Variants in BFSP2 observed in about 807,000 individuals in gnomAD.
The protein encoded by BFSP2 is phakinin.
Under a neutral mutation model 44.9 loss-of-function variants are expected in BFSP2, and 38 were observed. The observed-to-expected ratio is 0.85, with a 90% CI of 0.65 to 1.11. The LOEUF (loss-of-function observed/expected upper bound fraction) is 1.11, where lower values mean the gene tolerates loss of function less well. Ranked by LOEUF, BFSP2 falls within the 50% of genes least tolerant of loss-of-function variation. The pLI is 0.00. For missense variants in BFSP2, 525 were observed against 533.0 expected, an observed-to-expected ratio of 0.99 and a Z score of 0.15; for synonymous variants, 197 against 209.9, an observed-to-expected ratio of 0.94 and a Z score of 0.53.
intron 1 of BFSP2, among the ~76,000 whole-genome samples, chr3:133,438,067 C>A (rs1018368016): frequency 7.2e-5 from 11 of 152,106 alleles, no homozygotes; most frequent in Non-Finnish European, 1.6e-4. Flanking sequence ...ATAGTTGATA[C>A]AAGAAATAGA....
chr3:133,466,168 G>A (rs975144937), intron 4 of BFSP2, among the ~76,000 whole-genome samples: 52 of 45,346 alleles, frequency 1.1e-3, no homozygotes, highest in African/African-American at 2.5e-3. Context: ...ACCAAAGCAC[G>A]GGGGGGGCAA....
At chr3:133,432,038 T>C (rs916279701) in intron 1 of BFSP2, among the ~76,000 whole-genome samples, 5 of 152,072 alleles carry the variant, frequency 3.3e-5, no homozygotes, top group African/African-American at 7.2e-5. Context: ...ACTCCTTCCC[T>C]GGCAACCGAT....
chr3:133,433,673 T>C (rs1025457878), intron 1 of BFSP2, among the ~76,000 whole-genome samples: 23 of 152,206 alleles, frequency 1.5e-4, no homozygotes, highest in African/African-American at 5.3e-4. Flanking sequence ...TTCCCACCTC[T>C]ATACATTCTG....
intron 1 of BFSP2, among the ~76,000 whole-genome samples, chr3:133,440,411 G>A (rs578218340): frequency 6.6e-6 from 1 of 152,278 alleles, no homozygotes; most frequent in South Asian, 2.1e-4. Context: ...CTCAAAATTT[G>A]ATTTTGTTGG....
intron 1 of BFSP2, among the ~76,000 whole-genome samples, chr3:133,401,146 T>TA (rs1409634060): frequency 6.6e-6 from 1 of 152,218 alleles, no homozygotes; most frequent in African/African-American, 2.4e-5. Context: ...TTACCCACAG[T>TA]AAAACACGTA....
intron 1 of BFSP2, among the ~76,000 whole-genome samples, chr3:133,441,154 C>G (rs2107916255): frequency 6.6e-6 from 1 of 151,902 alleles, no homozygotes; most frequent in Middle Eastern, 3.4e-3. Flanking sequence ...ATTCTCCTGC[C>G]TCAACCTCCT....
intron 1 of BFSP2, among the ~76,000 whole-genome samples, chr3:133,413,254 G>A (rs1011754589): frequency 1.3e-5 from 2 of 151,950 alleles, no homozygotes; most frequent in African/African-American, 4.8e-5. Flanking sequence ...CTTGGGGCAG[G>A]GGAAGCCTTC....
intron 4 of BFSP2, among the ~76,000 whole-genome samples, chr3:133,461,250 C>T (rs2074059042): frequency 6.6e-6 from 1 of 152,210 alleles, no homozygotes; most frequent in African/African-American, 2.4e-5. Context: ...TTATTACTTA[C>T]TTAGAACACA....
intron 1 of BFSP2, among the ~76,000 whole-genome samples, chr3:133,426,340 T>C (rs1473923014): frequency 6.6e-6 from 1 of 152,216 alleles, no homozygotes. Flanking sequence ...TGGAAGCACC[T>C]GTCAGGCATT....
chr3:133,454,885 G>T (rs9289446), intron 4 of BFSP2, among the ~76,000 whole-genome samples: 134,529 of 152,134 alleles, frequency 0.88, 60,040 homozygotes, highest in Non-Finnish European at 0.95. Flanking sequence ...TTAAGAGGGG[G>T]TTTTTTTAAC....
At chr3:133,466,746 T>C (rs1576598513) in intron 4 of BFSP2, 82 bp from the exon 5 acceptor site, 1 of 1,425,930 alleles carries the variant, frequency 7.0e-7, no homozygotes, top group Admixed American at 1.8e-5. Flanking sequence ...GGCAGTGGAG[T>C]GGTGATTAGA....
At chr3:133,423,160 T>C (rs1293326654) in intron 1 of BFSP2, among the ~76,000 whole-genome samples, 1 of 151,784 alleles carries the variant, frequency 6.6e-6, no homozygotes, top group African/African-American at 2.4e-5. Context: ...GTAGGAAGGA[T>C]GGAAGAGGAA....
intron 1 of BFSP2, among the ~76,000 whole-genome samples, chr3:133,436,897 T>C (rs1176807716): frequency 2.0e-5 from 3 of 151,452 alleles, no homozygotes; most frequent in Non-Finnish European, 4.4e-5. Context: ...AGAATGATGG[T>C]TTCCAGTTTC....
At chr3:133,422,458 A>AG (rs1236914227) in intron 1 of BFSP2, among the ~76,000 whole-genome samples, 3 of 152,134 alleles carry the variant, frequency 2.0e-5, no homozygotes, top group Non-Finnish European at 4.4e-5. Flanking sequence ...ACTTCTGTGT[A>AG]CCCTGAGATG....
At chr3:133,415,164 C>T (rs1338168112) in intron 1 of BFSP2, among the ~76,000 whole-genome samples, 2 of 115,278 alleles carry the variant, frequency 1.7e-5, no homozygotes, top group Middle Eastern at 6.8e-3. Flanking sequence ...GTCCTCTCCC[C>T]ATCCTCTCCC....
chr3:133,464,262 G>A (rs2074089689), intron 4 of BFSP2, among the ~76,000 whole-genome samples: 1 of 152,202 alleles, frequency 6.6e-6, no homozygotes, highest in Non-Finnish European at 1.5e-5. Flanking sequence ...TTGGTAGATT[G>A]GTGGAGATGA....
chr3:133,472,079 C>T (rs1005000297), intron 5 of BFSP2, among the ~76,000 whole-genome samples: 4 of 152,090 alleles, frequency 2.6e-5, no homozygotes, highest in Non-Finnish European at 4.4e-5. Context: ...CTCCCTCCCT[C>T]TCTCCTTCTC....
rs777311531 is a variant in BFSP2, at chr3:133,400,107, G to A, written c.24G>A (p.Val8=). 42 of 1,614,058 alleles carry A rather than the reference G, an allele frequency of 2.6e-5. No homozygotes were observed. In the Admixed American group the frequency reaches 6.7e-4, roughly 26 times the overall value. MSERRVV[V]DLPTSASSSM... Reference sequence around the variant, plus strand: ...TGATGAGTGAGAGGCGAGTGGTAGTGGACTTGCCCACCAGTGCCAGCTCCA... The same window carrying A: ...TGATGAGTGAGAGGCGAGTGGTAGTAGACTTGCCCACCAGTGCCAGCTCCA... The change falls in exon 1 of 7, where the codon GTG becomes GTA. Residue 8 remains valine, a synonymous_variant. Transcript: ENST00000302334. The surrounding 1 kb of genome is among the most constrained non-coding windows in gnomAD (Gnocchi z 4.0).
chr3:133,430,891 C>T (rs902807364), intron 1 of BFSP2, among the ~76,000 whole-genome samples: 35 of 152,176 alleles, frequency 2.3e-4, no homozygotes, highest in Admixed American at 2.6e-4. Flanking sequence ...ACCTCCCCTC[C>T]TCACACCTGG....
Sources: gnomAD v4.1 joint callset for allele counts (sites outside exome capture counted in the v4.1 genomes callset) on GRCh38, gnomAD v4.1.1 for gene constraint, Gnocchi (gnomAD v3.1) non-coding constraint, MANE v1.5 for transcripts, NCBI Gene and HGNC (gene_info 2026-07-23, HGNC 2026-07-21) for gene names.